Variants in VPS72 observed in about 807,000 individuals in gnomAD.
VPS72 encodes the protein vacuolar protein sorting-associated protein 72 homolog.
A neutral mutation model predicts 38.9 loss-of-function variants in VPS72; 27 were observed. The ratio of observed to expected loss-of-function variants is 0.69; its 90% confidence interval spans 0.51 to 0.96. The LOEUF (loss-of-function observed/expected upper bound fraction) is 0.96. Ranked by LOEUF, VPS72 falls within the 40% of genes least tolerant of loss-of-function variation. The pLI is 0.00. For missense variants in VPS72, 360 were observed against 479.5 expected (o/e 0.75, Z 2.33); for synonymous variants, 173 against 186.3 (o/e 0.93, Z 0.58).
intron 4 of VPS72, among the ~76,000 whole-genome samples, chr1:151,180,314 G>A (rs1277402241): frequency 2.0e-5 from 3 of 146,688 alleles, no homozygotes; most frequent in African/African-American, 5.0e-5. Context: ...GCAAGACTCC[G>A]TCTCAAAAAA....
chr1:151,181,509 C>T (rs587669603), intron 4 of VPS72, among the ~76,000 whole-genome samples: 1 of 152,166 alleles, frequency 6.6e-6, no homozygotes, highest in East Asian at 1.9e-4. Context: ...TCCCAAAGTG[C>T]TGGGATTACA....
chr1:151,184,875 G>A (rs959636809), intron 3 of VPS72, among the ~76,000 whole-genome samples: 2 of 151,972 alleles, frequency 1.3e-5, no homozygotes, highest in Non-Finnish European at 1.5e-5. Context: ...ATGAGCAACC[G>A]TGCCTGGCCT....
In VPS72 at chr1:151,178,035, G is replaced by A. The variant is rs774300479; in HGVS notation, c.673C>T (p.Pro225Ser). The A allele has an allele frequency of 6.2e-7, 1 of 1,613,854 alleles. No individual in the cohort carries two copies. The highest frequency in any genetic ancestry group is 1.1e-5 in the South Asian group (1 of 91,070). The change falls in exon 5 of 6, where the codon CCA (proline) becomes TCA (serine). Residue 225 changes from proline to serine, a missense_variant. Coordinates refer to ENST00000368892, the MANE Select transcript of VPS72 (RefSeq NM_005997.3). ...TCAACGTTCTCTTCCTTGGGGCCTG[G>A]CTCCCCAACAAGTGGCACTGTCACT... ...HSVTVPLVGE[P>S]GPKEENVDIE...
chr1:151,189,296 T>G (rs995990813), intron 1 of VPS72, among the ~76,000 whole-genome samples: 1 of 152,210 alleles, frequency 6.6e-6, no homozygotes. Context: ...TCAACACATT[T>G]AATAAACGGG....
Position 151,185,489 on chromosome 1 carries a change from C to A in VPS72, c.385+17G>T, listed in dbSNP as rs201298297. The A allele has an allele frequency of 4.1e-4, 665 of 1,612,188 alleles. 4 individuals carry two copies. Among genetic ancestry groups the A allele is most frequent in the Non-Finnish European group, 7.5e-5 (88 of 1,178,404 alleles). On this transcript the variant is annotated intron_variant, in intron 3 of 5. Transcript: ENST00000368892. ...TATATTCCAATTTTGCCAATTGACC[C>A]TAACATCCCTACTCACTGTCAGAGC... is the stretch of plus-strand genomic sequence containing the variant.
chr1:151,177,980 T>C, intron 5 of VPS72, 21 bp downstream of exon 5: 1 of 1,611,250 alleles, frequency 6.2e-7, no homozygotes, highest in Non-Finnish European at 8.5e-7. Context: ...ACAATCTCTT[T>C]TCCTCTTGAG....
chr1:151,190,147 C>T lies in VPS72; in HGVS notation c.-26G>A, dbSNP rs1256896422. The T allele has an allele frequency of 3.1e-6, 5 of 1,609,988 alleles. No homozygotes were observed. The African/African-American group carries it at 4.0e-5, about 13-fold the overall frequency. ...ACCGCCTACCGAGACTGCGCCGCCACCTGCAGCCCCTCACCAGCTCGGTTT... is the reference window on the plus strand; with the variant it reads ...ACCGCCTACCGAGACTGCGCCGCCATCTGCAGCCCCTCACCAGCTCGGTTT... On this transcript the variant is annotated 5_prime_UTR_variant, in exon 1 of 6. It adds an upstream start codon to the 5' untranslated region. Coordinates refer to ENST00000368892, the MANE Select transcript of VPS72 (RefSeq NM_005997.3).
intron 4 of VPS72, among the ~76,000 whole-genome samples, chr1:151,180,318 CAA>C (rs587629860): frequency 0.015 from 1,951 of 130,066 alleles, 15 homozygotes; most frequent in Admixed American, 0.022. Context: ...GACTCCGTCT[CAA>C]AAAAAAAAAA....
chr1:151,177,954 A>G, intron 5 of VPS72, 47 bp downstream of exon 5: 1 of 1,595,064 alleles, frequency 6.3e-7, no homozygotes, highest in Non-Finnish European at 8.6e-7. Context: ...GGGCCAAGAG[A>G]ACATGAGCTG....
At chr1:151,187,646 T>A (rs1684379661) in intron 1 of VPS72, among the ~76,000 whole-genome samples, 1 of 152,226 alleles carries the variant, frequency 6.6e-6, no homozygotes, top group South Asian at 2.1e-4. Context: ...ACCATTACTT[T>A]TTATAATATA....
intron 1 of VPS72, among the ~76,000 whole-genome samples, chr1:151,186,466 G>T (rs1366465828): frequency 6.6e-6 from 1 of 152,002 alleles, no homozygotes; most frequent in Non-Finnish European, 1.5e-5. Context: ...GGTTGAGGCA[G>T]GAGAACTGCT....
At chr1:151,189,172 A>C (rs979420662) in intron 1 of VPS72, among the ~76,000 whole-genome samples, 1 of 152,168 alleles carries the variant, frequency 6.6e-6, no homozygotes, top group African/African-American at 2.4e-5. Context: ...TTAACTGTTA[A>C]CCCAGGCAGT....
intron 5 of VPS72, among the ~76,000 whole-genome samples, chr1:151,177,618 G>T (rs779592504): frequency 2.0e-5 from 3 of 152,098 alleles, no homozygotes; most frequent in Non-Finnish European, 4.4e-5. Context: ...TGTAATCCCA[G>T]TATTTTAGGA....
At chr1:151,177,545 G>A (rs868226555) in intron 5 of VPS72, among the ~76,000 whole-genome samples, 1 of 151,810 alleles carries the variant, frequency 6.6e-6, no homozygotes, top group African/African-American at 2.4e-5. Context: ...GAGAAGAACA[G>A]AGAAGCTAAA....
rs1467911345 is a variant in VPS72 at position 151,176,523 on chromosome 1, G to A, written c.*121C>T. The A allele has an allele frequency of 5.5e-6, 8 of 1,457,368 alleles. No individual in the cohort carries two copies. The highest frequency in any genetic ancestry group is 6.4e-6 in the Non-Finnish European group (7 of 1,091,210). The allele number at this position is 1,457,368 out of a possible 1,614,324, so 90.3% of individuals were successfully genotyped here. On this transcript the variant is annotated 3_prime_UTR_variant, in exon 6 of 6. Coordinates refer to ENST00000368892, the MANE Select transcript of VPS72 (RefSeq NM_005997.3). Reference sequence around the variant, plus strand: ...GAAACCTGTAAGAACTAGGGGAAAAGGAAAAAGAAACAGATTAGGCAAAGA... The same window carrying A: ...GAAACCTGTAAGAACTAGGGGAAAAAGAAAAAGAAACAGATTAGGCAAAGA...
chr1:151,186,845 A>G (rs932610074), intron 1 of VPS72, among the ~76,000 whole-genome samples: 54 of 152,364 alleles, frequency 3.5e-4, no homozygotes, highest in African/African-American at 1.3e-3. Context: ...AGAAGGTTGC[A>G]TTCCATTTAT....
Position 151,185,458 on chromosome 1 carries a change from T to C in VPS72, c.385+48A>G, listed in dbSNP as rs771337826. 16 of 1,546,698 alleles carry C rather than the reference T, an allele frequency of 1.0e-5. No homozygotes were observed. In the East Asian group the frequency reaches 3.1e-4, roughly 30 times the overall value. ...TAAATTTAACACTGATATGATACTT[T>C]ATTATTATATTCCAATTTTGCCAAT... On this transcript the variant is annotated intron_variant, in intron 3 of 5. Coordinates refer to ENST00000368892, the MANE Select transcript of VPS72 (RefSeq NM_005997.3).
At chr1:151,178,199 T>C in intron 4 of VPS72, 54 bp from the exon 5 acceptor site, 2 of 1,589,100 alleles carry the variant, frequency 1.3e-6, no homozygotes, top group African/African-American at 2.7e-5. Flanking sequence ...CTTTTTCCCA[T>C]ATCCCAGTAC....
At chr1:151,187,736 T>A (rs1039155976) in intron 1 of VPS72, among the ~76,000 whole-genome samples, 3 of 152,208 alleles carry the variant, frequency 2.0e-5, no homozygotes, top group Non-Finnish European at 2.9e-5. Flanking sequence ...GCTTCTTTCT[T>A]ACTAAAAAAA....
Sources: gnomAD v4.1 joint callset for allele counts (sites outside exome capture counted in the v4.1 genomes callset) on GRCh38, gnomAD v4.1.1 for gene constraint, MANE v1.5 for transcripts, NCBI Gene and HGNC (gene_info 2026-07-23, HGNC 2026-07-21) for gene names.